PEBP4: variants seen among roughly 807,000 people sequenced by gnomAD.
PEBP4 encodes phosphatidylethanolamine binding protein 4, also known as phosphatidylethanolamine-binding protein 4.
In PEBP4, 22 loss-of-function variants were observed where a neutral mutation model predicts 23.9. That is an observed-to-expected ratio of 0.92 (90% CI 0.66 to 1.31). The LOEUF is 1.31. Ranked by LOEUF, PEBP4 falls within the 40% of genes most tolerant of loss-of-function variation. PEBP4 has a pLI of 0.00. For synonymous variants in PEBP4, 112 were observed against 99.3 expected (o/e 1.13, Z -0.76); for missense variants, 324 against 281.7 (o/e 1.15, Z -1.07).
chr8:22,777,319 A>G (rs1419177024), intron 4 of PEBP4, among the ~76,000 whole-genome samples: 3 of 152,104 alleles, frequency 2.0e-5, no homozygotes, highest in African/African-American at 7.2e-5. Context: ...TGGCTACCCC[A>G]GGAGAACTTT....
chr8:22,932,496 T>C (rs777087905), upstream of PEBP4, among the ~76,000 whole-genome samples: 2 of 152,086 alleles, frequency 1.3e-5, no homozygotes, highest in Admixed American at 1.3e-4. Flanking sequence ...TCCAAGCTCT[T>C]GTTCCCTCAT....
chr8:22,928,731 T>C (rs970247558), upstream of PEBP4, among the ~76,000 whole-genome samples: 1 of 152,140 alleles, frequency 6.6e-6, no homozygotes, highest in African/African-American at 2.4e-5. Flanking sequence ...TGCTCTGAGC[T>C]CTCTCTGGAT....
chr8:22,910,704 T>C (rs1180584238), intron 3 of PEBP4, among the ~76,000 whole-genome samples: 2 of 152,190 alleles, frequency 1.3e-5, no homozygotes. Flanking sequence ...TCTCTATTAA[T>C]TTGAAAAGAC....
At chr8:22,819,106 T>A (rs546169708) in intron 3 of PEBP4, among the ~76,000 whole-genome samples, 5 of 152,086 alleles carry the variant, frequency 3.3e-5, no homozygotes, top group Non-Finnish European at 7.4e-5. Context: ...TGGTAGTCAT[T>A]GATATAGAGA....
chr8:22,780,404 G>A (rs746541021), intron 4 of PEBP4, among the ~76,000 whole-genome samples: 1 of 152,112 alleles, frequency 6.6e-6, no homozygotes, highest in African/African-American at 2.4e-5. Flanking sequence ...CTCGTACCTT[G>A]AGGTTCATTT....
chr8:22,787,485 C>T (rs1489729170), intron 4 of PEBP4, among the ~76,000 whole-genome samples: 1 of 152,120 alleles, frequency 6.6e-6, no homozygotes, highest in Admixed American at 6.5e-5. Flanking sequence ...CGAGTTTTGT[C>T]CCATGGCACC....
intron 4 of PEBP4, among the ~76,000 whole-genome samples, chr8:22,786,124 C>T (rs1289013362): frequency 6.6e-6 from 1 of 152,216 alleles, no homozygotes; most frequent in Non-Finnish European, 1.5e-5. Flanking sequence ...GGCTTTTTGT[C>T]TCCCAGCAAT....
chr8:22,923,840 C>T (rs146023158), intron 2 of PEBP4, among the ~76,000 whole-genome samples: 15 of 152,240 alleles, frequency 9.9e-5, no homozygotes, highest in Non-Finnish European at 2.2e-4. Flanking sequence ...ATCTTTGAAG[C>T]AGAGAGCAAC....
intron 3 of PEBP4, among the ~76,000 whole-genome samples, chr8:22,855,029 CACACACACACACACAT>C (rs767941775): frequency 0.2 from 21,036 of 103,958 alleles, 1,979 homozygotes; most frequent in Middle Eastern, 0.29. Context: ...CACACACACA[CACACACACACACACAT>C]GCACCCCAGG....
intron 3 of PEBP4, among the ~76,000 whole-genome samples, chr8:22,910,723 G>A (rs998529128): frequency 1.3e-5 from 2 of 152,200 alleles, no homozygotes; most frequent in Non-Finnish European, 2.9e-5. Context: ...ACTACATATT[G>A]TATGATTCCA....
intron 4 of PEBP4, among the ~76,000 whole-genome samples, chr8:22,749,802 A>ATTTTTTTTT (rs754912133): frequency 2.4e-5 from 1 of 41,586 alleles, no homozygotes; most frequent in Non-Finnish European, 6.4e-5. Context: ...TCAGTTTGTC[A>ATTTTTTTTT]TTCTTTTTTT....
intron 6 of PEBP4, among the ~76,000 whole-genome samples, chr8:22,719,322 T>C (rs1355777288): frequency 2.6e-5 from 4 of 152,186 alleles, no homozygotes; most frequent in African/African-American, 9.7e-5. Flanking sequence ...AGCTGTGGCA[T>C]GTCCTCTCGT....
At chr8:22,805,431 A>G (rs1308781504) in intron 4 of PEBP4, among the ~76,000 whole-genome samples, 1 of 152,196 alleles carries the variant, frequency 6.6e-6, no homozygotes, top group Non-Finnish European at 1.5e-5. Context: ...GGTTCAAGCG[A>G]TTCTCCTGCC....
chr8:22,718,936 T>C (rs977646377), intron 6 of PEBP4, among the ~76,000 whole-genome samples: 2 of 152,068 alleles, frequency 1.3e-5, no homozygotes, highest in African/African-American at 4.8e-5. Flanking sequence ...CAACATCTCC[T>C]ACTCTTGAAG....
chr8:22,735,804 A>C (rs1057093186), intron 4 of PEBP4, among the ~76,000 whole-genome samples: 4 of 152,248 alleles, frequency 2.6e-5, no homozygotes, highest in African/African-American at 7.2e-5. Flanking sequence ...GGCCTCACTC[A>C]GAGCAGGTAA....
intron 3 of PEBP4, among the ~76,000 whole-genome samples, chr8:22,858,589 C>T (rs1585310037): frequency 1.3e-5 from 2 of 152,254 alleles, no homozygotes; most frequent in South Asian, 4.1e-4. Flanking sequence ...TAATTAGACT[C>T]ATCTTAGAGA....
At chr8:22,869,670 C>A (rs559606818) in intron 3 of PEBP4, among the ~76,000 whole-genome samples, 19 of 152,202 alleles carry the variant, frequency 1.2e-4, no homozygotes, top group African/African-American at 4.3e-4. Context: ...TGATAATGGA[C>A]TGGGATCCGA....
chr8:22,765,433 T>C (rs1805591125), intron 4 of PEBP4, among the ~76,000 whole-genome samples: 1 of 152,174 alleles, frequency 6.6e-6, no homozygotes, highest in South Asian at 2.1e-4. Context: ...CGTGAGCTGC[T>C]GCACCCAGCC....
intron 1 of PEBP4, among the ~76,000 whole-genome samples, chr8:22,937,941 G>C (rs943259458): frequency 2.6e-5 from 4 of 152,068 alleles, no homozygotes; most frequent in Non-Finnish European, 5.9e-5. Flanking sequence ...AACTCAAAAT[G>C]GATCAAGATC....
Sources: gnomAD v4.1 joint callset for allele counts (sites outside exome capture counted in the v4.1 genomes callset) on GRCh38, gnomAD v4.1.1 for gene constraint, MANE v1.5 for transcripts, NCBI Gene and HGNC (gene_info 2026-07-23, HGNC 2026-07-21) for gene names.